The following PCP4 variants were observed in gnomAD, a reference collection of about 807,000 sequenced individuals.
The protein encoded by PCP4 is Purkinje cell protein 4, also known as calmodulin regulator protein PCP4.
PCP4 carries 8 observed loss-of-function variants against 10.0 expected under a neutral mutation model. That is an observed-to-expected ratio of 0.80 (90% confidence interval 0.47 to 1.45). The LOEUF (loss-of-function observed/expected upper bound fraction) is 1.45. Among genes scored for constraint, PCP4 ranks in the 40% most tolerant of loss-of-function variants. PCP4 has a pLI of 0.00. For missense variants in PCP4, 54 were observed against 74.4 expected (o/e 0.73, Z 1.01); for synonymous variants, 21 against 23.0 (o/e 0.91, Z 0.24).
chr21:39,880,118 A>ATATCTATATCTG (rs1294646277), intron 1 of PCP4, among the ~76,000 whole-genome samples: 1 of 137,888 alleles, frequency 7.3e-6, no homozygotes, highest in Non-Finnish European at 1.6e-5. Flanking sequence ...ATCTATATCT[A>ATATCTATATCTG]TATCTATATC....
intron 1 of PCP4, among the ~76,000 whole-genome samples, chr21:39,878,011 G>A (rs2087354606): frequency 1.0e-5 from 1 of 97,602 alleles, no homozygotes; most frequent in African/African-American, 6.6e-5. Flanking sequence ...ACGAGAGAGA[G>A]AGAGAGATTA....
intron 2 of PCP4, among the ~76,000 whole-genome samples, chr21:39,907,378 G>A (rs552780351): frequency 8.7e-4 from 132 of 152,278 alleles, no homozygotes; most frequent in Non-Finnish European, 1.3e-3. Context: ...TAGCTCGGGG[G>A]AGATGCAGAC....
chr21:39,888,300 C>T (rs1201002879), intron 1 of PCP4, among the ~76,000 whole-genome samples: 3 of 152,178 alleles, frequency 2.0e-5, no homozygotes, highest in Non-Finnish European at 2.9e-5. Context: ...AGAAGTCAGA[C>T]GTTGGGAACG....
chr21:39,878,851 T>C (rs2146326961), intron 1 of PCP4, among the ~76,000 whole-genome samples: 1 of 152,332 alleles, frequency 6.6e-6, no homozygotes, highest in African/African-American at 2.4e-5. Flanking sequence ...TTTATAACTC[T>C]GCTCTCACAT....
At chr21:39,886,028 C>T (rs2087399190) in intron 1 of PCP4, among the ~76,000 whole-genome samples, 1 of 152,224 alleles carries the variant, frequency 6.6e-6, no homozygotes, top group African/African-American at 2.4e-5. Context: ...TGTCTTCCCT[C>T]TGCATGTCTG....
intron 2 of PCP4, among the ~76,000 whole-genome samples, chr21:39,927,492 G>A (rs1392880431): frequency 6.6e-6 from 1 of 152,122 alleles, no homozygotes; most frequent in Non-Finnish European, 1.5e-5. Flanking sequence ...GCTGGTGCCT[G>A]AGCATTATTA....
chr21:39,868,653 T>C (rs2299743), intron 1 of PCP4, among the ~76,000 whole-genome samples: 34,805 of 152,070 alleles, frequency 0.23, 4,076 homozygotes, highest in African/African-American at 0.26. Flanking sequence ...TGTCTCTGCA[T>C]CTGTCACCTT....
chr21:39,887,354 TG>T (rs1305911481), intron 1 of PCP4, among the ~76,000 whole-genome samples: 4 of 134,714 alleles, frequency 3.0e-5, no homozygotes, highest in South Asian at 5.6e-4. Context: ...TTTTGTTTTT[TG>T]GTTTTTTTTT....
At chr21:39,879,861 A>G (rs565835883) in intron 1 of PCP4, among the ~76,000 whole-genome samples, 39 of 152,320 alleles carry the variant, frequency 2.6e-4, no homozygotes, top group Non-Finnish European at 4.1e-4. Context: ...TGAAAAATCA[A>G]TACGATGCCC....
At chr21:39,874,222 G>A (rs1215553150) in intron 1 of PCP4, among the ~76,000 whole-genome samples, 2 of 152,130 alleles carry the variant, frequency 1.3e-5, no homozygotes, top group Non-Finnish European at 2.9e-5. Flanking sequence ...TCTCTTCAAG[G>A]TTTCTGCCCT....
chr21:39,877,828 T>G (rs569882233), intron 1 of PCP4, among the ~76,000 whole-genome samples: 1 of 152,342 alleles, frequency 6.6e-6, no homozygotes, highest in East Asian at 1.9e-4. Flanking sequence ...ATGCCTTGCT[T>G]ACTTCCTAGT....
At chr21:39,924,817 G>A (rs777538818) in intron 2 of PCP4, among the ~76,000 whole-genome samples, 2 of 152,194 alleles carry the variant, frequency 1.3e-5, no homozygotes, top group Non-Finnish European at 2.9e-5. Context: ...TTACCGGCAT[G>A]AGCCACCACA....
chr21:39,911,605 C>G (rs1322104957), intron 2 of PCP4, among the ~76,000 whole-genome samples: 1 of 152,236 alleles, frequency 6.6e-6, no homozygotes, highest in African/African-American at 2.4e-5. Context: ...GTCAACGTGA[C>G]CTGGTACCAA....
intron 1 of PCP4, among the ~76,000 whole-genome samples, chr21:39,873,030 GAA>G (rs928812688): frequency 2.4e-4 from 36 of 152,302 alleles, no homozygotes; most frequent in African/African-American, 7.2e-4. Context: ...GAAAATATGG[GAA>G]CGGAGCAAGG....
At chr21:39,875,112 G>A (rs2146325215) in intron 1 of PCP4, among the ~76,000 whole-genome samples, 1 of 152,288 alleles carries the variant, frequency 6.6e-6, no homozygotes. Flanking sequence ...AAGGTTAAGG[G>A]GGAACTACTG....
intron 1 of PCP4, among the ~76,000 whole-genome samples, chr21:39,873,653 A>G (rs1300208983): frequency 6.6e-6 from 1 of 151,934 alleles, no homozygotes; most frequent in Non-Finnish European, 1.5e-5. Flanking sequence ...AATGAGGTGC[A>G]ATGTGAACAA....
chr21:39,874,839 C>T (rs929720714), intron 1 of PCP4, among the ~76,000 whole-genome samples: 3 of 151,894 alleles, frequency 2.0e-5, no homozygotes, highest in Non-Finnish European at 4.4e-5. Flanking sequence ...TGGGTGGTAC[C>T]GAATCCTACA....
chr21:39,914,022 A>G (rs1263913012), intron 2 of PCP4, among the ~76,000 whole-genome samples: 1 of 152,298 alleles, frequency 6.6e-6, no homozygotes, highest in Non-Finnish European at 1.5e-5. Flanking sequence ...ATGCACACAC[A>G]CACTGTGGGA....
chr21:39,922,876 G>T (rs781420203), intron 2 of PCP4, among the ~76,000 whole-genome samples: 1 of 152,232 alleles, frequency 6.6e-6, no homozygotes, highest in Non-Finnish European at 1.5e-5. Flanking sequence ...AAGGCCTTGT[G>T]AGGGATAATG....
Sources: gnomAD v4.1 joint callset for allele counts (sites outside exome capture counted in the v4.1 genomes callset) on GRCh38, gnomAD v4.1.1 for gene constraint, MANE v1.5 for transcripts, NCBI Gene and HGNC (gene_info 2026-07-23, HGNC 2026-07-21) for gene names.